Variants in KICS2 observed in about 807,000 individuals in gnomAD.
KICS2 encodes the protein KICSTOR subunit 2.
In KICS2, 13 loss-of-function variants were observed where a neutral mutation model predicts 31.4. The ratio of observed to expected loss-of-function variants is 0.41; its 90% confidence interval spans 0.27 to 0.66. KICS2 has a LOEUF of 0.66. KICS2 is among the 30% of genes least tolerant of loss of function. The pLI is 0.28. For missense variants in KICS2, 455 were observed against 545.4 expected (o/e 0.83, Z 1.65); for synonymous variants, 209 against 214.8 (o/e 0.97, Z 0.24).
chr12:64,213,201 C>T (rs771452908), intron 2 of KICS2, among the ~76,000 whole-genome samples: 16 of 152,136 alleles, frequency 1.1e-4, no homozygotes, highest in East Asian at 7.7e-4. Flanking sequence ...GTAGGTAGCA[C>T]ACAACTCGTA....
downstream of KICS2, among the ~76,000 whole-genome samples, chr12:64,190,302 G>A (rs189723067): frequency 5.4e-3 from 820 of 152,212 alleles, 14 homozygotes; most frequent in African/African-American, 0.019. Context: ...AGTAACCTTT[G>A]AAAAAGCAAC....
At chr12:64,194,816 A>G (rs1353638161) in intron 2 of KICS2, 158 bp from the exon 3 acceptor site, 1 of 669,306 alleles carries the variant, frequency 1.5e-6, no homozygotes, top group Non-Finnish European at 1.8e-6. Context: ...TTATTTTAAA[A>G]TTCTGATATA....
At chr12:64,205,646 G>C (rs1457612067) in intron 2 of KICS2, among the ~76,000 whole-genome samples, 191 of 132,992 alleles carry the variant, frequency 1.4e-3, no homozygotes, top group African/African-American at 4.2e-3. Flanking sequence ...GGGAAGGAAT[G>C]AAGGAAGGGA....
chr12:64,203,718 A>G (rs2037511675), intron 2 of KICS2, among the ~76,000 whole-genome samples: 1 of 152,222 alleles, frequency 6.6e-6, no homozygotes, highest in Non-Finnish European at 1.5e-5. Context: ...CTATTTAAGT[A>G]CTAATTAAAA....
chr12:64,189,970 A>G (rs2037366763), downstream of KICS2, among the ~76,000 whole-genome samples: 1 of 151,546 alleles, frequency 6.6e-6, no homozygotes, highest in East Asian at 1.9e-4. Context: ...TAACCAAAGG[A>G]AAAAAAAAGA....
chr12:64,207,985 A>G (rs891299486), intron 2 of KICS2, among the ~76,000 whole-genome samples: 5 of 152,282 alleles, frequency 3.3e-5, no homozygotes, highest in South Asian at 2.1e-4. Flanking sequence ...AAAATCCTCA[A>G]TGATTGGACT....
chr12:64,210,920 C>G (rs790008), intron 2 of KICS2, among the ~76,000 whole-genome samples: 112,950 of 152,152 alleles, frequency 0.74, 42,673 homozygotes, highest in East Asian at 0.94. Flanking sequence ...GAGCTGACAT[C>G]TTTCTCTTAG....
chr12:64,206,640 A>G (rs934022331), intron 2 of KICS2, among the ~76,000 whole-genome samples: 2 of 152,230 alleles, frequency 1.3e-5, no homozygotes, highest in Admixed American at 6.5e-5. Context: ...AACAACTCCA[A>G]TGCCCATTGA....
intron 2 of KICS2, among the ~76,000 whole-genome samples, chr12:64,207,197 G>T (rs1399041279): frequency 6.6e-6 from 1 of 150,964 alleles, no homozygotes; most frequent in Non-Finnish European, 1.5e-5. Flanking sequence ...CCAGCTACTC[G>T]GGAGGCTGAG....
rs1294521222 is a variant in KICS2, at chr12:64,196,820, C to T, written c.522-2162G>A. On this transcript the variant is annotated intron_variant, in intron 2 of 2. Coordinates refer to ENST00000398055, the MANE Select transcript of KICS2 (RefSeq NM_152440.5). ...TGAAGAATGCAGAAGCCTCAGGAGC[C>T]GATGCAATCAACTGGAAGAAAGGGT... Among the ~76,000 whole-genome samples the T allele has an allele frequency of 1.2e-4, 18 of 147,984 alleles. 1 individual carries two copies. Among genetic ancestry groups the T allele is most frequent in the African/African-American group, 2.0e-4 (8 of 39,850 alleles).
downstream of KICS2, among the ~76,000 whole-genome samples, chr12:64,190,147 T>C (rs2136683524): frequency 6.6e-6 from 1 of 152,250 alleles, no homozygotes; most frequent in Non-Finnish European, 1.5e-5. Context: ...TAGGTACAGG[T>C]TTGCCACAGA....
At chr12:64,213,462 C>T (rs373681429) in intron 2 of KICS2, among the ~76,000 whole-genome samples, 21 of 152,272 alleles carry the variant, frequency 1.4e-4, no homozygotes, top group African/African-American at 4.8e-4. Context: ...TATACCTGTA[C>T]TTCAAACCAG....
At chr12:64,209,971 C>A (rs1319632542) in intron 2 of KICS2, among the ~76,000 whole-genome samples, 2 of 152,158 alleles carry the variant, frequency 1.3e-5, no homozygotes, top group African/African-American at 4.8e-5. Context: ...TGAATTATTT[C>A]TCTAGAACAC....
chr12:64,208,931 T>C (rs1183531551), intron 2 of KICS2, among the ~76,000 whole-genome samples: 2 of 152,118 alleles, frequency 1.3e-5, no homozygotes, highest in African/African-American at 4.8e-5. Context: ...GCATTTACAA[T>C]CTATCTTGCA....
intron 2 of KICS2, among the ~76,000 whole-genome samples, chr12:64,208,309 CT>C (rs1437603109): frequency 2.0e-5 from 3 of 152,114 alleles, no homozygotes; most frequent in African/African-American, 7.2e-5. Context: ...GCGCCTGGCC[CT>C]TTTAAGTTTC....
chr12:64,189,334 C>T (rs2037362326), downstream of KICS2, among the ~76,000 whole-genome samples: 1 of 152,102 alleles, frequency 6.6e-6, no homozygotes, highest in African/African-American at 2.4e-5. Context: ...CATTTTGTAA[C>T]CTCTAATGAT....
chr12:64,193,949 T>C lies in KICS2; in HGVS notation c.1231A>G (p.Lys411Glu), dbSNP rs1486912573. The change falls in exon 3 of 3, where the codon AAG becomes GAG. Residue 411 changes from lysine (K) to glutamate (E), a missense_variant. Physicochemically the swap from Lys to Glu is moderately conservative, Grantham distance 56. Coordinates refer to ENST00000398055, the MANE Select transcript of KICS2 (RefSeq NM_152440.5). Reference protein sequence around the residue: ...HFTIVIIFESKKSERDSHFIS... With the variant: ...HFTIVIIFESEKSERDSHFIS... ...AAGTGGGAGTCTCTCTCAGATTTCT[T>C]TGACTCAAAAATGATGACAATGGTA... is the stretch of plus-strand genomic sequence containing the variant. 1.9e-6 allele frequency: 3 copies of C among 1,614,072 alleles called. No homozygotes were observed. The highest frequency in any genetic ancestry group is 2.2e-5 in the East Asian group (1 of 44,906).
rs1419584702 is a variant in KICS2 at position 64,199,050 on chromosome 12, T to C, written c.522-4392A>G. On this transcript the variant is annotated intron_variant, in intron 2 of 2. Transcript: ENST00000398055. ...AAGGAGGAACTGGTACCATTCCTTC[T>C]GAAACTATTCCAATCAATAGAAAAA... Among the ~76,000 whole-genome samples the C allele has an allele frequency of 4.0e-5, 4 of 101,136 alleles. No homozygotes were observed. The Admixed American group carries it at 4.4e-4, about 11-fold the overall frequency. 66.3% of individuals were successfully genotyped at this position (101,136 alleles called of 152,430 possible). A position where few individuals can be genotyped will look rare whatever the true frequency, so the allele number is the denominator to read the frequency against.
intron 1 of KICS2, among the ~76,000 whole-genome samples, chr12:64,218,096 T>C (rs1423394783): frequency 1.3e-5 from 2 of 152,164 alleles, no homozygotes; most frequent in East Asian, 1.9e-4. Context: ...TTAAAGTCCA[T>C]ATGGGTACAG....
Sources: allele counts gnomAD v4.1 joint callset (sites outside exome capture counted in the v4.1 genomes callset), GRCh38; gene constraint gnomAD v4.1.1; transcripts MANE v1.5; gene names NCBI Gene and HGNC (gene_info 2026-07-23, HGNC 2026-07-21).